LRRC4C: variants seen among roughly 807,000 people sequenced by gnomAD.
LRRC4C encodes leucine-rich repeat-containing protein 4C.
In LRRC4C, 5 loss-of-function variants were observed where a neutral mutation model predicts 33.6. That is an observed-to-expected ratio of 0.15 (90% CI 0.08 to 0.31). The LOEUF is 0.31. Among genes scored for constraint, LRRC4C ranks in the 10% least tolerant of loss-of-function variants. LRRC4C has a pLI of 1.00. For synonymous variants in LRRC4C, 329 were observed against 302.0 expected (o/e 1.09, Z -0.93); for missense variants, 560 against 796.7 (o/e 0.70, Z 3.58).
chr11:40,710,156 G>A (rs1946387325), intron 2 of LRRC4C, among the ~76,000 whole-genome samples: 1 of 152,138 alleles, frequency 6.6e-6, no homozygotes, highest in African/African-American at 2.4e-5. Flanking sequence ...GCTCGGAGAA[G>A]TTTGTTATTA....
intron 1 of LRRC4C, among the ~76,000 whole-genome samples, chr11:41,263,799 A>G (rs1842212218): frequency 6.6e-6 from 1 of 152,116 alleles, no homozygotes; most frequent in Non-Finnish European, 1.5e-5. Context: ...CTCAAAACAT[A>G]TTCAATGCAT....
chr11:41,097,384 T>C (rs1940876570), intron 1 of LRRC4C, among the ~76,000 whole-genome samples: 1 of 152,086 alleles, frequency 6.6e-6, no homozygotes, highest in Admixed American at 6.6e-5. Flanking sequence ...TTCCTATAGA[T>C]GGATTAGATG....
At chr11:40,836,757 T>TA (rs902660147) in intron 2 of LRRC4C, among the ~76,000 whole-genome samples, 22 of 152,144 alleles carry the variant, frequency 1.4e-4, no homozygotes, top group Admixed American at 1.2e-3. Context: ...CCCCTTGTTC[T>TA]AAAAAATCAC....
intron 1 of LRRC4C, among the ~76,000 whole-genome samples, chr11:41,027,102 C>G (rs1006315715): frequency 4.0e-5 from 6 of 151,548 alleles, no homozygotes; most frequent in Admixed American, 6.6e-5. Flanking sequence ...TAGCAAGTGC[C>G]TAATTCGACA....
intron 4 of LRRC4C, among the ~76,000 whole-genome samples, chr11:40,282,574 T>C (rs975567738): frequency 4.6e-5 from 7 of 152,090 alleles, no homozygotes; most frequent in African/African-American, 9.7e-5. Context: ...ATTAATAATA[T>C]TAATCTCTAA....
intron 2 of LRRC4C, among the ~76,000 whole-genome samples, chr11:40,744,684 C>A (rs898734974): frequency 6.6e-6 from 1 of 152,032 alleles, no homozygotes; most frequent in Admixed American, 6.6e-5. Flanking sequence ...TTATTCTGAT[C>A]CCATCTTACT....
chr11:41,175,033 G>A (rs1456085589), intron 1 of LRRC4C, among the ~76,000 whole-genome samples: 1 of 151,614 alleles, frequency 6.6e-6, no homozygotes, highest in African/African-American at 2.4e-5. Flanking sequence ...CAGTTACCAG[G>A]TTCTCTTGGT....
chr11:40,155,279 CT>C (rs1858589750), intron 5 of LRRC4C, among the ~76,000 whole-genome samples: 1 of 151,946 alleles, frequency 6.6e-6, no homozygotes, highest in Non-Finnish European at 1.5e-5. Flanking sequence ...AAGAGACAAT[CT>C]AAGGTCACAC....
At chr11:40,615,315 G>T (rs1961693442) in intron 3 of LRRC4C, among the ~76,000 whole-genome samples, 1 of 145,904 alleles carries the variant, frequency 6.9e-6, no homozygotes, top group African/African-American at 2.6e-5. Context: ...GTAGATCACT[G>T]CTTTTTCTTA....
chr11:40,830,436 T>C (rs1952361931), intron 2 of LRRC4C, among the ~76,000 whole-genome samples: 1 of 152,196 alleles, frequency 6.6e-6, no homozygotes, highest in Admixed American at 6.6e-5. Context: ...TGTGTCAGTG[T>C]TTTAGGTTTT....
At chr11:41,282,211 G>T (rs998660970) in intron 1 of LRRC4C, among the ~76,000 whole-genome samples, 5 of 152,158 alleles carry the variant, frequency 3.3e-5, no homozygotes, top group Admixed American at 1.3e-4. Context: ...CTATCTAGCC[G>T]CTGGACTGAG....
chr11:40,313,257 C>T (rs2136773814), intron 4 of LRRC4C, among the ~76,000 whole-genome samples: 1 of 152,204 alleles, frequency 6.6e-6, no homozygotes, highest in Non-Finnish European at 1.5e-5. Flanking sequence ...CTGTGACTTA[C>T]CACAACAGGC....
rs60399158 is a variant in LRRC4C, at chr11:40,148,320, A to T, written c.-95-7467T>A. 3.5e-3 allele frequency among the ~76,000 whole-genome samples: 534 copies of T among 152,254 alleles called. 6 individuals are homozygous for T. The highest frequency in any genetic ancestry group is 0.012 in the African/African-American group (509 of 41,546). ...TACCAACAATGCATAAGCATTCCTTATTCTCCACAACCTCACTGACATCTG... is the reference window on the plus strand; with the variant it reads ...TACCAACAATGCATAAGCATTCCTTTTTCTCCACAACCTCACTGACATCTG... On this transcript the variant is annotated intron_variant, in intron 5 of 6. Coordinates refer to ENST00000528697, the MANE Select transcript of LRRC4C (RefSeq NM_001258419.2).
intron 3 of LRRC4C, among the ~76,000 whole-genome samples, chr11:40,430,945 G>T (rs1193696922): frequency 1.6e-4 from 17 of 107,918 alleles, no homozygotes; most frequent in Non-Finnish European, 2.5e-4. Context: ...TGGGGACCGT[G>T]GTGGGGTGGG....
intron 2 of LRRC4C, among the ~76,000 whole-genome samples, chr11:40,687,074 G>A (rs1720527619): frequency 6.6e-6 from 1 of 152,128 alleles, no homozygotes; most frequent in African/African-American, 2.4e-5. Context: ...CTCAGGCTTG[G>A]ATGCTAATTG....
intron 1 of LRRC4C, among the ~76,000 whole-genome samples, chr11:40,948,846 A>G (rs1179625228): frequency 1.3e-5 from 2 of 151,850 alleles, no homozygotes; most frequent in African/African-American, 2.4e-5. Context: ...ATGTGTCTTT[A>G]TAGTAGCATG....
intron 1 of LRRC4C, among the ~76,000 whole-genome samples, chr11:41,274,555 A>G (rs1164373434): frequency 6.6e-6 from 1 of 152,044 alleles, no homozygotes; most frequent in East Asian, 1.9e-4. Flanking sequence ...GACTTCCTGG[A>G]TGGAGTAGGT....
At chr11:41,429,319 T>C (rs1336421652) in intron 1 of LRRC4C, among the ~76,000 whole-genome samples, 1 of 152,136 alleles carries the variant, frequency 6.6e-6, no homozygotes, top group Non-Finnish European at 1.5e-5. Flanking sequence ...TATCCAGTAT[T>C]GGGTATGTCT....
At chr11:40,831,174 G>A (rs1490932655) in intron 2 of LRRC4C, among the ~76,000 whole-genome samples, 1 of 152,136 alleles carries the variant, frequency 6.6e-6, no homozygotes, top group African/African-American at 2.4e-5. Context: ...TGGGTTCTAA[G>A]AAATTATTCC....
Sources: gnomAD v4.1 joint callset for allele counts (sites outside exome capture counted in the v4.1 genomes callset) on GRCh38, gnomAD v4.1.1 for gene constraint, MANE v1.5 for transcripts, NCBI Gene and HGNC (gene_info 2026-07-23, HGNC 2026-07-21) for gene names.